The following NAALADL2 variants were observed in gnomAD, a reference collection of about 807,000 sequenced individuals.
NAALADL2 encodes the protein inactive N-acetylated-alpha-linked acidic dipeptidase-like protein 2.
A neutral mutation model predicts 87.2 loss-of-function variants in NAALADL2; 76 were observed. That is an observed-to-expected ratio of 0.87 (90% CI 0.72 to 1.05). NAALADL2 has a LOEUF of 1.05. Among genes scored for constraint, NAALADL2 ranks in the 50% least tolerant of loss-of-function variants. The pLI, the probability that NAALADL2 is intolerant of heterozygous loss-of-function variation, is 0.00. For missense variants in NAALADL2, 1,089 were observed against 945.8 expected (o/e 1.15, Z -1.99); for synonymous variants, 354 against 331.0 (o/e 1.07, Z -0.75).
intron 5 of NAALADL2, among the ~76,000 whole-genome samples, chr3:175,368,592 T>TGTGG (rs1295397971): frequency 6.6e-6 from 1 of 151,906 alleles, no homozygotes; most frequent in Non-Finnish European, 1.5e-5. Flanking sequence ...TGTGTGTGTG[T>TGTGG]GTGTTTATAG....
At chr3:174,851,051 A>G (rs372090824) in intron 3 of NAALADL2, among the ~76,000 whole-genome samples, 1 of 152,076 alleles carries the variant, frequency 6.6e-6, no homozygotes, top group Non-Finnish European at 1.5e-5. Context: ...AGTTTTTTCA[A>G]TTCTAGAAAC....
At chr3:175,533,255 A>G (rs55769507) in intron 9 of NAALADL2, among the ~76,000 whole-genome samples, 2,022 of 152,314 alleles carry the variant, frequency 0.013, 49 homozygotes, top group African/African-American at 0.046. Flanking sequence ...TATATAAGAT[A>G]GAAAACTCAA....
intron 1 of NAALADL2, among the ~76,000 whole-genome samples, chr3:174,954,860 T>G (rs1740927489): frequency 6.6e-6 from 1 of 152,082 alleles, no homozygotes; most frequent in African/African-American, 2.4e-5. Flanking sequence ...TACATGTAAT[T>G]AAAGCTTCTC....
chr3:174,944,418 A>G (rs1029922951), intron 1 of NAALADL2, among the ~76,000 whole-genome samples: 5 of 152,092 alleles, frequency 3.3e-5, no homozygotes, highest in African/African-American at 1.2e-4. Context: ...AATAGCAAAG[A>G]TGTTGGCCCA....
chr3:174,826,028 AAACAACAACAAC>A (rs71624294), intron 3 of NAALADL2, among the ~76,000 whole-genome samples: 1 of 150,458 alleles, frequency 6.6e-6, no homozygotes, highest in African/African-American at 2.5e-5. Flanking sequence ...ACTCCATCTC[AAACAACAACAAC>A]AACAACAACA....
At chr3:175,097,325 C>A in intron 2 of NAALADL2, 34 bp downstream of exon 2, 1 of 1,568,896 alleles carries the variant, frequency 6.4e-7, no homozygotes, top group Non-Finnish European at 8.6e-7. Flanking sequence ...TGTTTGAATG[C>A]ATTTCTTGGG....
intron 5 of NAALADL2, among the ~76,000 whole-genome samples, chr3:175,406,706 CT>C (rs1339723260): frequency 6.6e-6 from 1 of 152,000 alleles, no homozygotes; most frequent in Non-Finnish European, 1.5e-5. Flanking sequence ...ACCATCAAAC[CT>C]TTCCTTGTGT....
chr3:174,578,031 A>G (rs1266746228), intron 2 of NAALADL2, among the ~76,000 whole-genome samples: 1 of 152,030 alleles, frequency 6.6e-6, no homozygotes, highest in Non-Finnish European at 1.5e-5. Context: ...GGAATGACAG[A>G]AGAAATGTTT....
At chr3:174,937,487 G>T (rs1026662598) in intron 1 of NAALADL2, among the ~76,000 whole-genome samples, 1 of 151,926 alleles carries the variant, frequency 6.6e-6, no homozygotes, top group Non-Finnish European at 1.5e-5. Context: ...TTATGAAACT[G>T]CTTAGAACCA....
At chr3:174,564,380 G>A (rs901825315) in intron 2 of NAALADL2, among the ~76,000 whole-genome samples, 1 of 152,112 alleles carries the variant, frequency 6.6e-6, no homozygotes, top group Non-Finnish European at 1.5e-5. Flanking sequence ...GGAGGAGGAT[G>A]TCAGTGAGGG....
At position 174,948,834 on chromosome 3, in the gene NAALADL2, C is replaced by G. The variant is rs530372077; in HGVS notation, c.43+89384C>G. On this transcript the variant is annotated intron_variant, in intron 1 of 13. Transcript: ENST00000454872. Reference sequence around the variant, plus strand: ...GACTGTCAGTTGAAACACTTACTGTCTTAGTTCTTTCAGGCTGCTATAAGA... The same window carrying G: ...GACTGTCAGTTGAAACACTTACTGTGTTAGTTCTTTCAGGCTGCTATAAGA... 9.5e-4 allele frequency among the ~76,000 whole-genome samples: 144 copies of G among 152,194 alleles called. 2 individuals carry two copies. Among genetic ancestry groups the G allele is most frequent in the Admixed American group, 4.8e-3 (73 of 15,278 alleles).
intron 1 of NAALADL2, among the ~76,000 whole-genome samples, chr3:175,013,279 A>G (rs1326065437): frequency 1.4e-5 from 1 of 70,838 alleles, no homozygotes; most frequent in South Asian, 3.8e-4. Context: ...ATATATATAC[A>G]TATATATATA....
intron 1 of NAALADL2, among the ~76,000 whole-genome samples, chr3:174,923,345 G>A (rs894955633): frequency 1.3e-5 from 2 of 152,052 alleles, no homozygotes; most frequent in African/African-American, 4.8e-5. Context: ...TGAGTACATA[G>A]TGCAATAAAT....
rs1436010149 is a variant in NAALADL2 at position 175,776,061 on chromosome 3, CCTT to C, written c.2189+20649_2189+20651del. 7.9e-5 allele frequency among the ~76,000 whole-genome samples: 12 copies of C among 152,094 alleles called. No homozygotes were observed. In the East Asian group the frequency reaches 2.1e-3, roughly 27 times the overall value. On this transcript the variant is annotated intron_variant, in intron 13 of 13. Coordinates refer to ENST00000454872, the MANE Select transcript of NAALADL2 (RefSeq NM_207015.3). The stretch of plus-strand genomic sequence containing the variant: ...AAGTTGGTCACCTCTATTCTTGCCT[CCTT>C]CTTCTCCTACCTTATGGCCTTGCTC...
At chr3:174,529,952 C>T (rs1207578604) in intron 1 of NAALADL2, among the ~76,000 whole-genome samples, 2 of 152,136 alleles carry the variant, frequency 1.3e-5, no homozygotes, top group Admixed American at 1.3e-4. Flanking sequence ...AGACATTTTC[C>T]CCATTGTCTT....
chr3:175,720,852 A>T (rs962061705), intron 11 of NAALADL2, among the ~76,000 whole-genome samples: 1 of 152,154 alleles, frequency 6.6e-6, no homozygotes, highest in Non-Finnish European at 1.5e-5. Flanking sequence ...AGAAATAAAG[A>T]TATTTTAGAA....
chr3:175,294,767 C>T (rs933418348), intron 4 of NAALADL2, among the ~76,000 whole-genome samples: 1 of 152,158 alleles, frequency 6.6e-6, no homozygotes, highest in Non-Finnish European at 1.5e-5. Flanking sequence ...AAACAAGGAC[C>T]GCTGTGTCAA....
Position 175,529,336 on chromosome 3 carries a change from G to A in NAALADL2, c.1654-46705G>A, listed in dbSNP as rs1173921578. Among the ~76,000 whole-genome samples, 4 of 152,150 alleles carry A rather than the reference G, an allele frequency of 2.6e-5. No individual in the cohort carries two copies. In the East Asian group the frequency reaches 7.7e-4, roughly 29 times the overall value. ...TAATGGAATCCTTGTGTTTTCTGGT[G>A]GCAGCATTCCTCCCTCTGGAACTAA... On this transcript the variant is annotated intron_variant, in intron 9 of 13. Transcript: ENST00000454872.
At chr3:175,048,831 C>T (rs931524950) in intron 1 of NAALADL2, among the ~76,000 whole-genome samples, 3 of 151,758 alleles carry the variant, frequency 2.0e-5, no homozygotes, top group African/African-American at 7.3e-5. Flanking sequence ...CATAATACAC[C>T]CTGGGAGTGG....
Sources: gnomAD v4.1 joint callset for allele counts (sites outside exome capture counted in the v4.1 genomes callset) on GRCh38, gnomAD v4.1.1 for gene constraint, MANE v1.5 for transcripts, NCBI Gene and HGNC (gene_info 2026-07-23, HGNC 2026-07-21) for gene names.